SYN3: variants seen among roughly 807,000 people sequenced by gnomAD.
The protein encoded by SYN3 is synapsin-3.
SYN3 carries 35 observed loss-of-function variants against 65.8 expected under a neutral mutation model. The ratio of observed to expected loss-of-function variants is 0.53; its 90% CI spans 0.41 to 0.70. The LOEUF (loss-of-function observed/expected upper bound fraction) is 0.70, where lower values mean the gene tolerates loss of function less well. SYN3 is among the 30% of genes least tolerant of loss of function. The probability of loss-of-function intolerance (pLI) is 0.00; values close to 1 mark genes in which losing one functional copy is unlikely to be tolerated. For synonymous variants in SYN3, 270 were observed against 292.9 expected (o/e 0.92, Z 0.80); for missense variants, 680 against 749.0 (o/e 0.91, Z 1.08).
chr22:32,965,401 T>C (rs866755976), intron 3 of SYN3, among the ~76,000 whole-genome samples: 6 of 152,214 alleles, frequency 3.9e-5, no homozygotes, highest in Middle Eastern at 3.4e-3. Context: ...GAAATATATA[T>C]TGAACACAGA....
At chr22:32,580,026 T>C (rs1156432134) in intron 7 of SYN3, among the ~76,000 whole-genome samples, 2 of 152,230 alleles carry the variant, frequency 1.3e-5, no homozygotes, top group African/African-American at 4.8e-5. Context: ...CTTCTGCTCA[T>C]TGTGTAGGGC....
chr22:32,556,356 G>A (rs1333711479), intron 7 of SYN3, among the ~76,000 whole-genome samples: 1 of 152,046 alleles, frequency 6.6e-6, no homozygotes, highest in Non-Finnish European at 1.5e-5. Context: ...CCTCTCCCAC[G>A]TGATTTTCAC....
Position 32,710,353 on chromosome 22 carries a change from G to T in SYN3, c.712-113617C>A, listed in dbSNP as rs113887120. On this transcript the variant is annotated intron_variant, in intron 6 of 13. Coordinates refer to ENST00000358763, the MANE Select transcript of SYN3 (RefSeq NM_003490.4). ...ACCTGGTTGTTTAAAAGTGTGGGCT[G>T]GGTGCGGTGGCTCATGCCTGTAATT... Among the ~76,000 whole-genome samples the T allele has an allele frequency of 5.1e-3, 767 of 151,746 alleles. 4 individuals carry two copies. Among genetic ancestry groups the T allele is most frequent in the African/African-American group, 0.017 (722 of 41,358 alleles).
At chr22:32,807,170 AT>A (rs1208453147) in intron 6 of SYN3, among the ~76,000 whole-genome samples, 1 of 149,716 alleles carries the variant, frequency 6.7e-6, no homozygotes, top group East Asian at 2.0e-4. Flanking sequence ...CCCCTAACTC[AT>A]CCCCACCTTT....
intron 1 of SYN3, among the ~76,000 whole-genome samples, chr22:33,027,916 C>T (rs1411798878): frequency 6.6e-6 from 1 of 152,196 alleles, no homozygotes; most frequent in African/African-American, 2.4e-5. Flanking sequence ...TGGTTCATTT[C>T]ATCCTCATAA....
At chr22:32,892,467 C>G (rs1473700517) in intron 4 of SYN3, among the ~76,000 whole-genome samples, 1 of 152,018 alleles carries the variant, frequency 6.6e-6, no homozygotes, top group Admixed American at 6.6e-5. Flanking sequence ...CAGACAAAAC[C>G]CAAAACCTAT....
chr22:32,798,805 C>T (rs1296522965), intron 6 of SYN3, among the ~76,000 whole-genome samples: 1 of 150,980 alleles, frequency 6.6e-6, no homozygotes, highest in Non-Finnish European at 1.5e-5. Flanking sequence ...CATTCTCCTG[C>T]CTCAGCCTCC....
At chr22:32,916,561 T>A (rs954458824) in intron 4 of SYN3, among the ~76,000 whole-genome samples, 8 of 152,328 alleles carry the variant, frequency 5.3e-5, no homozygotes, top group African/African-American at 1.4e-4. Flanking sequence ...TCATACAACA[T>A]GTTATTCTGT....
intron 6 of SYN3, among the ~76,000 whole-genome samples, chr22:32,598,795 T>G (rs1261908558): frequency 6.6e-6 from 1 of 152,108 alleles, no homozygotes; most frequent in Non-Finnish European, 1.5e-5. Flanking sequence ...GCCATAGTTT[T>G]TTTTTTCCTT....
At chr22:32,820,566 C>G (rs555993158) in intron 6 of SYN3, among the ~76,000 whole-genome samples, 12 of 152,238 alleles carry the variant, frequency 7.9e-5, no homozygotes, top group Admixed American at 5.9e-4. Flanking sequence ...TAGGGTCAGG[C>G]TGAGATTTGT....
chr22:32,739,338 C>T (rs571725845), intron 6 of SYN3, among the ~76,000 whole-genome samples: 1 of 151,216 alleles, frequency 6.6e-6, no homozygotes, highest in South Asian at 2.1e-4. Context: ...TGTGAGGCCT[C>T]CCCAGCCACA....
intron 6 of SYN3, among the ~76,000 whole-genome samples, chr22:32,789,993 T>C (rs941981236): frequency 1.1e-4 from 17 of 152,256 alleles, no homozygotes; most frequent in Non-Finnish European, 1.8e-4. Flanking sequence ...ATCTTATTTA[T>C]TCCTTGTAAC....
At chr22:32,737,321 T>C (rs1168744809) in intron 6 of SYN3, among the ~76,000 whole-genome samples, 2 of 150,038 alleles carry the variant, frequency 1.3e-5, no homozygotes, top group Admixed American at 6.5e-5. Context: ...TCTTTTCTTT[T>C]TTTTTTAATT....
rs1422145820 is a variant in SYN3 at position 32,507,843 on chromosome 22, C to T, written c.*5849G>A. Among the ~76,000 whole-genome samples, 1 of 152,036 alleles carries T rather than the reference C, an allele frequency of 6.6e-6. No homozygotes were observed. The highest frequency in any genetic ancestry group is 1.5e-5 in the Non-Finnish European group (1 of 68,034). ...CCAGGCCGTCACCAATCATTCTACA[C>T]AACAAATGTTTCTTCTAACATCCCC... is the stretch of plus-strand genomic sequence containing the variant. On this transcript the variant is annotated 3_prime_UTR_variant, in exon 14 of 14. Transcript: ENST00000358763.
chr22:32,953,150 G>C (rs1053289003), intron 3 of SYN3, among the ~76,000 whole-genome samples: 1 of 152,250 alleles, frequency 6.6e-6, no homozygotes, highest in Non-Finnish European at 1.5e-5. Flanking sequence ...AGAGCAGAGA[G>C]TGTTCAAATG....
intron 3 of SYN3, among the ~76,000 whole-genome samples, chr22:32,931,763 A>G (rs999180766): frequency 2.0e-5 from 3 of 152,326 alleles, no homozygotes; most frequent in African/African-American, 7.2e-5. Context: ...ATCCTTGCTA[A>G]TTTCTGCCTC....
chr22:32,639,290 G>A (rs2059863270), intron 6 of SYN3, among the ~76,000 whole-genome samples: 1 of 152,106 alleles, frequency 6.6e-6, no homozygotes, highest in Admixed American at 6.5e-5. Context: ...AAAGGTAGGA[G>A]TCCAGTTTCA....
chr22:32,855,488 G>A (rs569499616), intron 6 of SYN3, among the ~76,000 whole-genome samples: 1 of 152,254 alleles, frequency 6.6e-6, no homozygotes, highest in Non-Finnish European at 1.5e-5. Flanking sequence ...CCTCTGCTTG[G>A]AATCCTAGCC....
intron 11 of SYN3, 103 bp from the exon 12 acceptor site, chr22:32,528,108 C>G: frequency 1.1e-6 from 1 of 884,564 alleles, no homozygotes. Context: ...TGAGAAGAGA[C>G]TCTTACACAT....
Sources: allele counts gnomAD v4.1 joint callset (sites outside exome capture counted in the v4.1 genomes callset), GRCh38; gene constraint gnomAD v4.1.1; transcripts MANE v1.5; gene names NCBI Gene and HGNC (gene_info 2026-07-23, HGNC 2026-07-21).